DTX4: variants seen among roughly 807,000 people sequenced by gnomAD.
DTX4 encodes the protein E3 ubiquitin-protein ligase DTX4.
In DTX4, 28 loss-of-function variants were observed where a neutral mutation model predicts 57.6. The ratio of observed to expected loss-of-function variants is 0.49; its 90% CI spans 0.36 to 0.67. DTX4 has a LOEUF of 0.67. DTX4 is among the 30% of genes least tolerant of loss of function. The pLI is 0.00. For synonymous variants in DTX4, 316 were observed against 331.0 expected (o/e 0.95, Z 0.49); for missense variants, 715 against 836.8 (o/e 0.85, Z 1.80).
chr11:59,188,746 T>C lies in DTX4; in HGVS notation c.947T>C (p.Val316Ala). The C allele has an allele frequency of 1.9e-6, 3 of 1,613,902 alleles. No homozygotes were observed. Among genetic ancestry groups the C allele is most frequent in the Non-Finnish European group, 2.5e-6 (3 of 1,179,796 alleles). Reference sequence around the variant, plus strand: ...CTTTCCTTTCACAGGGTCCCCACAGTCCCAGTGAAGAACCTAAATGGGTCC... The same window carrying C: ...CTTTCCTTTCACAGGGTCCCCACAGCCCCAGTGAAGAACCTAAATGGGTCC... The part of the protein sequence containing the change: ...RVLIASGVPT[V>A]PVKNLNGSSP... Residue 316 changes from valine to alanine, a missense_variant, in exon 3 of 9, where the codon GTC (valine) becomes GCC (alanine). Transcript: ENST00000227451.
chr11:59,200,014 C>G (rs1862721737), intron 8 of DTX4, among the ~76,000 whole-genome samples: 1 of 152,106 alleles, frequency 6.6e-6, no homozygotes, highest in Admixed American at 6.5e-5. Flanking sequence ...TGTTCTCACG[C>G]TGCTAATAAA....
In DTX4 at chr11:59,195,316, C is replaced by T; in HGVS notation, c.1483C>T (p.His495Tyr). 6.2e-7 allele frequency: 1 copy of T among 1,613,956 alleles called. No individual in the cohort carries two copies. The highest frequency in any genetic ancestry group is 1.7e-5 in the Admixed American group (1 of 60,018). ...YHLIPHSLPG[H>Y]PDCKTIRIIY... ...CCTCATCCCCCACTCCTTGCCTGGC[C>T]ACCCAGACTGCAAAACCATCCGGAT... The change falls in exon 7 of 9, where the codon CAC (histidine) becomes TAC (tyrosine). Residue 495 changes from histidine (H) to tyrosine (Y), a missense_variant. His to Tyr is a moderately conservative substitution (Grantham distance 83). Coordinates refer to ENST00000227451, the MANE Select transcript of DTX4 (RefSeq NM_015177.2).
intron 8 of DTX4, among the ~76,000 whole-genome samples, chr11:59,202,289 G>C (rs556459279): frequency 2.2e-4 from 33 of 152,316 alleles, no homozygotes; most frequent in Admixed American, 2.0e-3. Context: ...TTTGAAGCCA[G>C]ACCAGCCTGG....
At chr11:59,184,438 C>T (rs1236568480) in intron 2 of DTX4, among the ~76,000 whole-genome samples, 2 of 152,220 alleles carry the variant, frequency 1.3e-5, no homozygotes, top group Non-Finnish European at 2.9e-5. Flanking sequence ...ATAGACTTAG[C>T]ACAGTGCTTG....
At chr11:59,173,734 T>C (rs1396171828) in intron 1 of DTX4, among the ~76,000 whole-genome samples, 1 of 151,952 alleles carries the variant, frequency 6.6e-6, no homozygotes, top group Non-Finnish European at 1.5e-5. Context: ...GACCTGCCTT[T>C]CCAGGTCAGA....
At chr11:59,190,280 A>G (rs1486905666) in intron 4 of DTX4, among the ~76,000 whole-genome samples, 1 of 152,168 alleles carries the variant, frequency 6.6e-6, no homozygotes, top group African/African-American at 2.4e-5. Flanking sequence ...TCTTCCTGTT[A>G]TTATTAATAG....
Position 59,182,124 on chromosome 11 carries a change from T to A in DTX4, c.597T>A (p.Ser199Arg). The A allele has an allele frequency of 6.2e-7, 1 of 1,613,070 alleles. No individual in the cohort carries two copies. Among genetic ancestry groups the A allele is most frequent in the South Asian group, 1.1e-5 (1 of 91,020 alleles). Residue 199 changes from serine (S) to arginine (R), a missense_variant, in exon 2 of 9, where the codon AGT (serine) becomes AGA (arginine). Ser to Arg is a moderately radical substitution (Grantham distance 110). Coordinates refer to ENST00000227451, the MANE Select transcript of DTX4 (RefSeq NM_015177.2). ...GTCCCCAGTGTGTCTTGGTGATGAG[T>A]GTTAAGGCAGCCGTGGTCAATGGCA... ...CSCPQCVLVMSVKAAVVNGST... is the reference protein window; with the variant it reads ...CSCPQCVLVMRVKAAVVNGST...
chr11:59,198,886 A>G (rs1333911820), intron 7 of DTX4, among the ~76,000 whole-genome samples: 1 of 152,224 alleles, frequency 6.6e-6, no homozygotes, highest in African/African-American at 2.4e-5. Flanking sequence ...GCCGCTTTTC[A>G]TGAGCTTCTC....
At chr11:59,178,762 G>T (rs1163417375) in intron 1 of DTX4, among the ~76,000 whole-genome samples, 2 of 152,190 alleles carry the variant, frequency 1.3e-5, no homozygotes, top group African/African-American at 4.8e-5. Flanking sequence ...TTAAGAAATG[G>T]ATGGAAAATG....
chr11:59,191,362 TC>T (rs1862596655), intron 5 of DTX4, among the ~76,000 whole-genome samples, 187 bp downstream of exon 5: 1 of 152,158 alleles, frequency 6.6e-6, no homozygotes, highest in East Asian at 1.9e-4. Context: ...CCTCAATCTC[TC>T]CCGCCTCCCC....
At position 59,182,203 on chromosome 11, in the gene DTX4, G is replaced by A; in HGVS notation, c.676G>A (p.Val226Met). The change falls in exon 2 of 9, where the codon GTG (valine) becomes ATG (methionine). Residue 226 changes from valine (V) to methionine (M), a missense_variant. By Grantham distance (21) the Val-to-Met change is conservative. Transcript: ENST00000227451. ...VTRKNMPPPGVVKLPPLPGSG... is the reference protein window; with the variant it reads ...VTRKNMPPPGMVKLPPLPGSG... ...CCGCAAGAACATGCCGCCTCCTGGA[G>A]TGGTCAAGCTACCCCCACTGCCAGG... 1 of 1,611,246 alleles carries A rather than the reference G, an allele frequency of 6.2e-7. No homozygotes were observed. Among genetic ancestry groups the A allele is most frequent in the Non-Finnish European group, 8.5e-7 (1 of 1,178,688 alleles).
chr11:59,191,994 A>C, intron 5 of DTX4, 104 bp from the exon 6 acceptor site: 1 of 1,337,980 alleles, frequency 7.5e-7, no homozygotes, highest in Admixed American at 2.4e-5. Context: ...TGGGTGTTTT[A>C]GAAGAGAAGT....
At chr11:59,186,954 G>C (rs1411687364) in intron 2 of DTX4, among the ~76,000 whole-genome samples, 1 of 152,166 alleles carries the variant, frequency 6.6e-6, no homozygotes, top group African/African-American at 2.4e-5. Context: ...TCCCACATCT[G>C]TTCTTTCACA....
Position 59,205,191 on chromosome 11 carries a change from C to T in DTX4, c.*282C>T, listed in dbSNP as rs144306525. 6.7e-5 allele frequency: 27 copies of T among 404,232 alleles called. No homozygotes were observed. In the Admixed American group the frequency reaches 8.5e-4, roughly 13 times the overall value. 25.0% of individuals were successfully genotyped at this position (404,232 alleles called of 1,614,324 possible). A position where few individuals can be genotyped will look rare whatever the true frequency, so the allele number is the denominator to read the frequency against. The stretch of plus-strand genomic sequence containing the variant: ...TGCTGGGTAGGCAGGAATCCCCTCC[C>T]TACCCCACCTCCCAAGTAGGGGCAT... On this transcript the variant is annotated 3_prime_UTR_variant, in exon 9 of 9. Coordinates refer to ENST00000227451, the MANE Select transcript of DTX4 (RefSeq NM_015177.2).
At chr11:59,187,467 G>A (rs1032876710) in intron 2 of DTX4, among the ~76,000 whole-genome samples, 1 of 152,256 alleles carries the variant, frequency 6.6e-6, no homozygotes, top group Non-Finnish European at 1.5e-5. Context: ...AGGGCCATGA[G>A]CCATGTGTTC....
At chr11:59,198,922 G>A (rs1196489554) in intron 7 of DTX4, among the ~76,000 whole-genome samples, 1 of 152,146 alleles carries the variant, frequency 6.6e-6, no homozygotes, top group African/African-American at 2.4e-5. Flanking sequence ...CTCATTCTGG[G>A]CACTGATTAG....
intron 1 of DTX4, among the ~76,000 whole-genome samples, chr11:59,174,862 G>C (rs1189435873): frequency 6.6e-6 from 1 of 152,142 alleles, no homozygotes; most frequent in Non-Finnish European, 1.5e-5. Context: ...GCTGCCTCAG[G>C]GTGTGTTTAT....
intron 2 of DTX4, 56 bp downstream of exon 2, chr11:59,182,518 G>A: frequency 2.0e-6 from 3 of 1,490,696 alleles, no homozygotes; most frequent in Admixed American, 2.3e-5. Flanking sequence ...ATAGGCTACA[G>A]CAGATCTTCT....
At position 59,182,035 on chromosome 11, in the gene DTX4, A is replaced by G. The variant is rs751673123; in HGVS notation, c.508A>G (p.Lys170Glu). Residue 170 changes from lysine to glutamate, a missense_variant, in exon 2 of 9, where the codon AAG (lysine) becomes GAG (glutamate). Transcript: ENST00000227451. ...IYPMVTGTLP[K>E]AQSWPVSPGP... ...CCCCATGGTCACAGGGACCTTGCCT[A>G]AGGCTCAGTCCTGGCCAGTCAGCCC... 1 of 1,613,388 alleles carries G rather than the reference A, an allele frequency of 6.2e-7. No individual in the cohort carries two copies. The highest frequency in any genetic ancestry group is 8.5e-7 in the Non-Finnish European group (1 of 1,179,592).
Sources: allele counts gnomAD v4.1 joint callset (sites outside exome capture counted in the v4.1 genomes callset), GRCh38; gene constraint gnomAD v4.1.1; transcripts MANE v1.5; gene names NCBI Gene and HGNC (gene_info 2026-07-23, HGNC 2026-07-21).